CLECL1: variants seen among roughly 807,000 people sequenced by gnomAD.
CLECL1 encodes C-type lectin-like domain family 1.
At chr12:9,733,109 T>C (rs1866471926), upstream of CLECL1, 1 of 1,424,082 alleles carries the variant, frequency 7.0e-7, no homozygotes. Flanking sequence ...AAGAAACTTC[T>C]GATAAGTAAA....
chr12:9,720,758 G>T (rs752539051), downstream of CLECL1, among the ~76,000 whole-genome samples: 2 of 152,328 alleles, frequency 1.3e-5, no homozygotes, highest in South Asian at 4.1e-4. Flanking sequence ...TAGAGAAATA[G>T]CCTGGGAGAG....
downstream of CLECL1, among the ~76,000 whole-genome samples, chr12:9,717,545 A>G (rs377746536): frequency 6.6e-4 from 101 of 152,346 alleles, no homozygotes; most frequent in African/African-American, 2.3e-3. Context: ...TGTTTAAGCT[A>G]GTTTTGCTTC....
downstream of CLECL1, chr12:9,718,750 G>A: frequency 1.4e-6 from 1 of 701,146 alleles, no homozygotes; most frequent in Non-Finnish European, 2.6e-6. Context: ...AATGCCATTT[G>A]AAGGTACAGC....
Position 9,733,008 on chromosome 12 carries a change from G to A in CLECL1, n.23C>T, listed in dbSNP as rs139676111. 1.4e-5 allele frequency: 22 copies of A among 1,614,166 alleles called. No individual in the cohort carries two copies. In the African/African-American group the frequency reaches 2.9e-4, roughly 22 times the overall value. On this transcript the variant is annotated non_coding_transcript_exon_variant, in exon 1 of 4. Coordinates refer to ENST00000621400, the Ensembl canonical transcript of CLECL1. ...GGAAGTCCGAACAGTTTTGATGTCA[G>A]CGTAGACTACATCTCCAGCCATTGC...
At chr12:9,712,448 A>T (rs935779588), downstream of CLECL1, among the ~76,000 whole-genome samples, 1 of 152,238 alleles carries the variant, frequency 6.6e-6, no homozygotes, top group Non-Finnish European at 1.5e-5. Flanking sequence ...CTGTTGCACC[A>T]TAATACTGTT....
chr12:9,704,545 A>G, the CLECL1 span, among the ~76,000 whole-genome samples: 3 of 151,912 alleles, frequency 2.0e-5, no homozygotes, highest in Admixed American at 6.6e-5. Context: ...TATTTTTTAA[A>G]TTCTCTCCCT....
chr12:9,724,167 T>C (rs1041712787), intron 3 of CLECL1, among the ~76,000 whole-genome samples: 2 of 133,322 alleles, frequency 1.5e-5, no homozygotes, highest in Admixed American at 8.5e-5. Flanking sequence ...CCAGCCAGGG[T>C]GACAAAGCAA....
At position 9,722,797 on chromosome 12, in the gene CLECL1, A is replaced by G. The variant is rs775978923; in HGVS notation, n.279T>C. The G allele has an allele frequency of 7.5e-6, 12 of 1,608,490 alleles. No individual in the cohort carries two copies. The Admixed American group carries it at 2.0e-4, about 27-fold the overall frequency. On this transcript the variant is annotated non_coding_transcript_exon_variant, in exon 4 of 4. Coordinates refer to ENST00000621400, the Ensembl canonical transcript of CLECL1. Reference sequence around the variant, plus strand: ...TGGCAGGACATGATTTATGGACAGTAGAAAAGTTGAAAGAAACTGGAAGAA... The same window carrying G: ...TGGCAGGACATGATTTATGGACAGTGGAAAAGTTGAAAGAAACTGGAAGAA...
chr12:9,725,962 A>C (rs762358138), intron 3 of CLECL1, among the ~76,000 whole-genome samples: 1 of 152,046 alleles, frequency 6.6e-6, no homozygotes, highest in Admixed American at 6.5e-5. Flanking sequence ...TGAGCCTTTC[A>C]TCAGTCTGAA....
chr12:9,728,824 C>G (rs1866411777), intron 2 of CLECL1, among the ~76,000 whole-genome samples: 1 of 151,872 alleles, frequency 6.6e-6, no homozygotes, highest in African/African-American at 2.4e-5. Flanking sequence ...CTAGACTTTG[C>G]TGATTTCTGG....
chr12:9,730,832 GGCACGTGTCACCAT>G (rs991390861), intron 1 of CLECL1, among the ~76,000 whole-genome samples: 1 of 152,026 alleles, frequency 6.6e-6, no homozygotes, highest in Non-Finnish European at 1.5e-5. Context: ...TGTGAATACA[GGCACGTGTCACCAT>G]GCTCGTTTTT....
downstream of CLECL1, among the ~76,000 whole-genome samples, chr12:9,718,178 TATG>T (rs1452260381): frequency 1.3e-5 from 2 of 152,168 alleles, no homozygotes; most frequent in African/African-American, 4.8e-5. Flanking sequence ...ATACATTTTG[TATG>T]ATATTTATAT....
intron 3 of CLECL1, among the ~76,000 whole-genome samples, chr12:9,727,226 T>C (rs2056419193): frequency 6.6e-6 from 1 of 151,780 alleles, no homozygotes. Context: ...TGAAAAACCA[T>C]CTGCAATGAC....
chr12:9,702,420 C>T, the CLECL1 span, among the ~76,000 whole-genome samples: 1 of 152,146 alleles, frequency 6.6e-6, no homozygotes, highest in Non-Finnish European at 1.5e-5. Flanking sequence ...CTCTGCTGCT[C>T]TGCCACTCTG....
chr12:9,714,013 C>T (rs765862723), downstream of CLECL1, among the ~76,000 whole-genome samples: 18 of 152,330 alleles, frequency 1.2e-4, no homozygotes, highest in Non-Finnish European at 2.2e-4. Flanking sequence ...ATAGACCTCT[C>T]TTTTAGCTGC....
At chr12:9,717,465 AATTG>A (rs1276545070) in intron 2 of CLECL1, among the ~76,000 whole-genome samples, 2 of 152,198 alleles carry the variant, frequency 1.3e-5, no homozygotes, top group Non-Finnish European at 2.9e-5. Flanking sequence ...TTTGCTTTCT[AATTG>A]ATATTAATCT....
At chr12:9,703,575 T>G in the CLECL1 span, among the ~76,000 whole-genome samples, 27 of 152,032 alleles carry the variant, frequency 1.8e-4, 1 homozygote, top group Admixed American at 2.6e-4. Flanking sequence ...TTGAATTTTT[T>G]GTAGAGACAG....
the CLECL1 span, among the ~76,000 whole-genome samples, chr12:9,705,992 C>G: frequency 2.0e-5 from 3 of 152,078 alleles, no homozygotes; most frequent in Non-Finnish European, 4.4e-5. Flanking sequence ...GATCTTGATT[C>G]TTCCTATGCA....
the CLECL1 span, among the ~76,000 whole-genome samples, chr12:9,706,947 T>G: frequency 6.6e-6 from 1 of 152,194 alleles, no homozygotes; most frequent in African/African-American, 2.4e-5. Flanking sequence ...TCTTTATACA[T>G]CTGGTTGAAT....
Sources: gnomAD v4.1 joint callset for allele counts (sites outside exome capture counted in the v4.1 genomes callset) on GRCh38, gnomAD v4.1.1 for gene constraint, MANE v1.5 for transcripts, NCBI Gene and HGNC (gene_info 2026-07-23, HGNC 2026-07-21) for gene names.